OSBPL10: variants seen among roughly 807,000 people sequenced by gnomAD.
OSBPL10 encodes the protein oxysterol-binding protein-related protein 10.
OSBPL10 carries 49 observed loss-of-function variants against 81.7 expected under a neutral mutation model. The observed-to-expected ratio is 0.60, with a 90% confidence interval of 0.48 to 0.76. The LOEUF (loss-of-function observed/expected upper bound fraction) is 0.76. Among genes scored for constraint, OSBPL10 ranks in the 30% least tolerant of loss-of-function variants. The probability of loss-of-function intolerance (pLI) is 0.00; values close to 1 mark genes in which losing one functional copy is unlikely to be tolerated. For synonymous variants in OSBPL10, 419 were observed against 383.6 expected (o/e 1.09, Z -1.08); for missense variants, 923 against 987.8 (o/e 0.93, Z 0.88).
intron 4 of OSBPL10, among the ~76,000 whole-genome samples, chr3:31,770,348 C>A (rs1001583528): frequency 6.6e-6 from 1 of 152,136 alleles, no homozygotes; most frequent in Non-Finnish European, 1.5e-5. Context: ...ATAATCGACC[C>A]AAATAGCCCA....
chr3:32,036,152 A>G (rs1699516568), intron 2 of OSBPL10, among the ~76,000 whole-genome samples: 1 of 152,204 alleles, frequency 6.6e-6, no homozygotes. Flanking sequence ...GGCTCAAGCA[A>G]TCCTCTTGCC....
intron 3 of OSBPL10, among the ~76,000 whole-genome samples, chr3:31,870,672 C>T (rs1157902078): frequency 6.6e-6 from 1 of 152,118 alleles, no homozygotes; most frequent in Non-Finnish European, 1.5e-5. Context: ...GGTTTGTAAA[C>T]ACACCAATCA....
chr3:31,669,591 A>G (rs1454858620), intron 9 of OSBPL10, among the ~76,000 whole-genome samples: 1 of 152,168 alleles, frequency 6.6e-6, no homozygotes, highest in Admixed American at 6.5e-5. Flanking sequence ...GGCTCTGAGG[A>G]ATGACTTCAA....
intron 1 of OSBPL10, among the ~76,000 whole-genome samples, chr3:31,887,334 TATGG>T: frequency 6.6e-6 from 1 of 152,314 alleles, no homozygotes; most frequent in Admixed American, 6.5e-5. Flanking sequence ...GGGGCCAAAC[TATGG>T]ATGCATTTTC....
intron 2 of OSBPL10, among the ~76,000 whole-genome samples, chr3:32,001,349 C>T (rs1559547279): frequency 6.6e-6 from 1 of 152,184 alleles, no homozygotes. Context: ...TGTATTCTGT[C>T]TGGCATCTCA....
In OSBPL10 at chr3:31,802,395, T is replaced by TA. The variant is rs1003876573; in HGVS notation, c.729+27644dup. Among the ~76,000 whole-genome samples the TA allele has an allele frequency of 3.6e-3, 498 of 139,748 alleles. 2 individuals are homozygous for TA. The highest frequency in any genetic ancestry group is 9.5e-3 in the African/African-American group (365 of 38,236). 91.7% of individuals were successfully genotyped at this position (139,748 alleles called of 152,430 possible). On this transcript the variant is annotated intron_variant, in intron 4 of 11. Coordinates refer to ENST00000396556, the MANE Select transcript of OSBPL10 (RefSeq NM_017784.5). ...CAACATGGTGAAACCCCATCTCTACTAAAAAAAAAAAATTACAAAAATTAG... is the reference window on the plus strand; with the variant it reads ...CAACATGGTGAAACCCCATCTCTACTAAAAAAAAAAAAATTACAAAAATTAG...
chr3:31,709,177 C>T (rs539899992), intron 6 of OSBPL10: 16 of 354,782 alleles, frequency 4.5e-5, no homozygotes, highest in Non-Finnish European at 5.5e-5. Context: ...AGCTGCCTTT[C>T]GGAGATGCTG....
intron 3 of OSBPL10, among the ~76,000 whole-genome samples, chr3:31,852,083 A>T (rs1270628178): frequency 6.6e-6 from 1 of 152,188 alleles, no homozygotes; most frequent in African/African-American, 2.4e-5. Context: ...AACTGAACAT[A>T]TGGGGATGAC....
chr3:31,955,125 T>A (rs186252907), intron 1 of OSBPL10, among the ~76,000 whole-genome samples: 157 of 152,362 alleles, frequency 1.0e-3, no homozygotes, highest in African/African-American at 3.7e-3. Context: ...CATCCAGGCA[T>A]CCACTGGGGT....
intron 1 of OSBPL10, among the ~76,000 whole-genome samples, chr3:31,882,251 C>A (rs1409584402): frequency 6.6e-6 from 1 of 152,180 alleles, no homozygotes; most frequent in Non-Finnish European, 1.5e-5. Flanking sequence ...ATGGTCTGGC[C>A]AAGACTACTA....
upstream of OSBPL10, among the ~76,000 whole-genome samples, chr3:31,985,484 T>C (rs537589211): frequency 8.1e-4 from 124 of 152,312 alleles, no homozygotes; most frequent in Non-Finnish European, 1.4e-3. Flanking sequence ...TAGTTCCTAG[T>C]AGGGAGCTGA....
chr3:32,013,000 C>T (rs554699930), intron 2 of OSBPL10, among the ~76,000 whole-genome samples: 6 of 152,258 alleles, frequency 3.9e-5, no homozygotes, highest in South Asian at 2.1e-4. Context: ...TAATGGGAGA[C>T]TTTAACACCC....
At chr3:31,663,460 C>T (rs1700114448) in intron 11 of OSBPL10, 2 of 988,656 alleles carry the variant, frequency 2.0e-6, no homozygotes, top group Non-Finnish European at 1.2e-6. Context: ...AATCCCTCCA[C>T]AACTTCAAGA....
At chr3:31,891,988 C>G (rs1019292670) in intron 1 of OSBPL10, among the ~76,000 whole-genome samples, 2 of 152,102 alleles carry the variant, frequency 1.3e-5, no homozygotes, top group African/African-American at 4.8e-5. Context: ...AGCCCCTATT[C>G]TAACGGGGGA....
chr3:31,745,030 T>C (rs996110084), intron 5 of OSBPL10, among the ~76,000 whole-genome samples: 18 of 152,194 alleles, frequency 1.2e-4, no homozygotes, highest in Non-Finnish European at 2.9e-5. Context: ...CTGAGGCTCA[T>C]TCCAGATCAG....
At chr3:31,995,572 CAT>C (rs561370299) in intron 2 of OSBPL10, among the ~76,000 whole-genome samples, 208 of 152,248 alleles carry the variant, frequency 1.4e-3, no homozygotes, top group African/African-American at 4.7e-3. Context: ...TTCAAACACA[CAT>C]GTTTTACAAT....
At chr3:31,902,979 G>A (rs948359272) in intron 1 of OSBPL10, among the ~76,000 whole-genome samples, 1 of 152,138 alleles carries the variant, frequency 6.6e-6, no homozygotes, top group South Asian at 2.1e-4. Context: ...GAAAGACAGA[G>A]GATTTATTCA....
At chr3:31,664,586 A>T (rs1425072453) in intron 10 of OSBPL10, 6 of 341,844 alleles carry the variant, frequency 1.8e-5, no homozygotes, top group East Asian at 6.8e-5. Context: ...ACATACATAA[A>T]CCTCTTTAAT....
rs576238459 is a variant in OSBPL10, at chr3:31,880,108, GA to G, written c.282-279del. Among the ~76,000 whole-genome samples, 107 of 152,342 alleles carry G rather than the reference GA, an allele frequency of 7.0e-4. 3 individuals carry two copies. The South Asian group carries it at 0.021, about 30-fold the overall frequency. On this transcript the variant is annotated intron_variant, in intron 1 of 11. Coordinates refer to ENST00000396556, the MANE Select transcript of OSBPL10 (RefSeq NM_017784.5). ...GCCCACACTTCACCCAGTACCCATG[GA>G]TACCACATTAAACCTCAGAATGACA...
Sources: gnomAD v4.1 joint callset for allele counts (sites outside exome capture counted in the v4.1 genomes callset) on GRCh38, gnomAD v4.1.1 for gene constraint, MANE v1.5 for transcripts, NCBI Gene and HGNC (gene_info 2026-07-23, HGNC 2026-07-21) for gene names.